The following MAGI2 variants were observed in gnomAD, a reference collection of about 807,000 sequenced individuals.
MAGI2 encodes the protein membrane-associated guanylate kinase, WW and PDZ domain-containing protein 2.
Under a neutral mutation model 133.3 loss-of-function variants are expected in MAGI2, and 35 were observed. That is an observed-to-expected ratio of 0.26 (90% CI 0.20 to 0.35). The LOEUF is 0.35. Among genes scored for constraint, MAGI2 ranks in the 10% least tolerant of loss-of-function variants. The probability of loss-of-function intolerance (pLI) is 1.00; values close to 1 mark genes in which losing one functional copy is unlikely to be tolerated. For missense variants in MAGI2, 1,636 were observed against 1,863.4 expected (o/e 0.88, Z 2.25); for synonymous variants, 729 against 710.6 (o/e 1.03, Z -0.41).
intron 21 of MAGI2, among the ~76,000 whole-genome samples, chr7:78,052,569 C>A (rs77985873): frequency 0.017 from 2,524 of 152,314 alleles, 74 homozygotes; most frequent in African/African-American, 0.058. Context: ...GACAAAGGGG[C>A]AGCCAGGCAT....
At chr7:79,263,881 G>GA (rs1225785515) in intron 1 of MAGI2, among the ~76,000 whole-genome samples, 3 of 151,958 alleles carry the variant, frequency 2.0e-5, no homozygotes, top group Non-Finnish European at 4.4e-5. Context: ...ATTTCGTTTA[G>GA]AAAAAAATAC....
chr7:78,780,417 G>A (rs909711725), intron 2 of MAGI2, among the ~76,000 whole-genome samples: 4 of 152,146 alleles, frequency 2.6e-5, no homozygotes, highest in African/African-American at 9.7e-5. Context: ...CAAAATATCA[G>A]TTGAAACATT....
intron 21 of MAGI2, among the ~76,000 whole-genome samples, chr7:78,053,372 CCT>C (rs982717942): frequency 5.9e-5 from 9 of 152,202 alleles, no homozygotes; most frequent in Admixed American, 1.3e-4. Context: ...TGTGTTGTCC[CCT>C]GTCTGAGGGT....
chr7:78,741,204 G>C (rs560070370), intron 2 of MAGI2, among the ~76,000 whole-genome samples: 5 of 152,092 alleles, frequency 3.3e-5, no homozygotes, highest in African/African-American at 1.2e-4. Flanking sequence ...TTCTTGTTGG[G>C]TAATCTAAGA....
At chr7:78,922,523 C>CG (rs1453236203) in intron 2 of MAGI2, among the ~76,000 whole-genome samples, 1 of 151,780 alleles carries the variant, frequency 6.6e-6, no homozygotes, top group Non-Finnish European at 1.5e-5. Flanking sequence ...GACATGAACT[C>CG]ATCATTTTTT....
intron 6 of MAGI2, among the ~76,000 whole-genome samples, chr7:78,393,441 G>A (rs1796080777): frequency 6.6e-6 from 1 of 152,220 alleles, no homozygotes; most frequent in African/African-American, 2.4e-5. Flanking sequence ...CTGTCCTTGT[G>A]AGATGACCCT....
intron 1 of MAGI2, among the ~76,000 whole-genome samples, chr7:79,187,941 AT>A (rs1248612675): frequency 1.3e-5 from 2 of 151,886 alleles, no homozygotes; most frequent in Non-Finnish European, 2.9e-5. Context: ...GAATATACAC[AT>A]GCAGAAATAC....
chr7:78,674,020 C>A (rs530977741), intron 2 of MAGI2, among the ~76,000 whole-genome samples: 1 of 152,226 alleles, frequency 6.6e-6, no homozygotes, highest in South Asian at 2.1e-4. Context: ...ATGGAAGACA[C>A]TAACAAATGA....
At chr7:78,756,952 T>A (rs1824006778) in intron 2 of MAGI2, among the ~76,000 whole-genome samples, 1 of 152,190 alleles carries the variant, frequency 6.6e-6, no homozygotes, top group Non-Finnish European at 1.5e-5. Flanking sequence ...AGTGAGCCCT[T>A]AAAGCTACCT....
At chr7:78,427,471 C>T (rs938963010) in intron 6 of MAGI2, among the ~76,000 whole-genome samples, 1 of 151,966 alleles carries the variant, frequency 6.6e-6, no homozygotes, top group Admixed American at 6.6e-5. Context: ...ACAAGAAGTG[C>T]TACTAGAGAT....
intron 3 of MAGI2, among the ~76,000 whole-genome samples, chr7:78,558,856 T>C (rs989272366): frequency 3.6e-5 from 5 of 138,112 alleles, no homozygotes; most frequent in African/African-American, 1.3e-4. Context: ...TTTTTTTTTT[T>C]CTTGCAAAGC....
intron 3 of MAGI2, among the ~76,000 whole-genome samples, chr7:78,572,447 C>T (rs896567354): frequency 6.6e-6 from 1 of 152,036 alleles, no homozygotes; most frequent in African/African-American, 2.4e-5. Flanking sequence ...AAATTGGCGG[C>T]CCTCAGGGAA....
intron 1 of MAGI2, among the ~76,000 whole-genome samples, chr7:79,160,043 T>C (rs1002009560): frequency 2.0e-5 from 3 of 152,072 alleles, no homozygotes; most frequent in Non-Finnish European, 4.4e-5. Context: ...ACCTTGGTAA[T>C]CTTTGGTAAA....
At chr7:78,114,622 A>C (rs1305866363) in intron 20 of MAGI2, among the ~76,000 whole-genome samples, 2 of 152,172 alleles carry the variant, frequency 1.3e-5, no homozygotes, top group African/African-American at 4.8e-5. Flanking sequence ...ATAAAATGGG[A>C]TTCTGCAGTG....
At chr7:78,338,063 A>G (rs1416074807) in intron 9 of MAGI2, among the ~76,000 whole-genome samples, 1 of 152,198 alleles carries the variant, frequency 6.6e-6, no homozygotes, top group Non-Finnish European at 1.5e-5. Context: ...TTCTATGAGA[A>G]TGGTTTTAAT....
intron 1 of MAGI2, among the ~76,000 whole-genome samples, chr7:79,031,964 G>A (rs1810622369): frequency 6.6e-6 from 1 of 151,900 alleles, no homozygotes; most frequent in Non-Finnish European, 1.5e-5. Context: ...TGAAACTATA[G>A]AGAACATAAA....
intron 1 of MAGI2, among the ~76,000 whole-genome samples, chr7:79,446,935 G>C (rs1355117900): frequency 6.6e-6 from 1 of 152,042 alleles, no homozygotes; most frequent in African/African-American, 2.4e-5. Flanking sequence ...CTGGACGACA[G>C]AGCGAGACTC....
chr7:78,862,484 T>A (rs1272889210), intron 2 of MAGI2, among the ~76,000 whole-genome samples: 1 of 152,234 alleles, frequency 6.6e-6, no homozygotes. Context: ...TTATGGAGTT[T>A]GTCCAGGAAG....
At chr7:79,174,191 T>C (rs919032893) in intron 1 of MAGI2, among the ~76,000 whole-genome samples, 1 of 152,012 alleles carries the variant, frequency 6.6e-6, no homozygotes, top group Non-Finnish European at 1.5e-5. Flanking sequence ...CTCCAAAAAG[T>C]TTGAATACCT....
Sources: gnomAD v4.1 joint callset for allele counts (sites outside exome capture counted in the v4.1 genomes callset) on GRCh38, gnomAD v4.1.1 for gene constraint, MANE v1.5 for transcripts, NCBI Gene and HGNC (gene_info 2026-07-23, HGNC 2026-07-21) for gene names.